FHIT: variants seen among roughly 807,000 people sequenced by gnomAD.
FHIT encodes the protein fragile histidine triad diadenosine triphosphatase, also known as bis(5'-adenosyl)-triphosphatase.
FHIT carries 19 observed loss-of-function variants against 17.9 expected under a neutral mutation model. The observed-to-expected ratio is 1.06, with a 90% CI of 0.74 to 1.56. The LOEUF is 1.56. Ranked by LOEUF, FHIT falls within the 40% of genes most tolerant of loss-of-function variation. The probability of loss-of-function intolerance (pLI) is 0.00; values close to 1 mark genes in which losing one functional copy is unlikely to be tolerated. For synonymous variants in FHIT, 81 were observed against 69.7 expected (o/e 1.16, Z -0.81); for missense variants, 248 against 189.2 (o/e 1.31, Z -1.82).
intron 5 of FHIT, among the ~76,000 whole-genome samples, chr3:60,188,236 T>G (rs1702250190): frequency 6.7e-6 from 1 of 149,484 alleles, no homozygotes; most frequent in Admixed American, 6.7e-5. Context: ...TTACCATTAT[T>G]ACATTAAAGG....
intron 5 of FHIT, among the ~76,000 whole-genome samples, chr3:60,164,455 C>T (rs1052920224): frequency 6.6e-5 from 10 of 152,184 alleles, no homozygotes; most frequent in African/African-American, 2.2e-4. Flanking sequence ...CTGCACCATC[C>T]CACGTTTCCG....
chr3:60,738,367 A>G (rs1553713118), intron 4 of FHIT, among the ~76,000 whole-genome samples: 1 of 152,188 alleles, frequency 6.6e-6, no homozygotes, highest in Non-Finnish European at 1.5e-5. Context: ...GGAGGCCCCA[A>G]AATGGTCCCT....
rs142698125 is a variant in FHIT at position 60,754,254 on chromosome 3, TG to T, written c.-18+67664del. On this transcript the variant is annotated intron_variant, in intron 4 of 9. Transcript: ENST00000492590. ...GTGAAAGGCCAGTTAACCTGAAAAA[TG>T]AAAACCAGCTCTTAAATGTAAAGAT... is the stretch of plus-strand genomic sequence containing the variant. Among the ~76,000 whole-genome samples, 255 of 152,232 alleles carry T rather than the reference TG, an allele frequency of 1.7e-3. 1 individual carries two copies. The highest frequency in any genetic ancestry group is 6.0e-3 in the African/African-American group (248 of 41,544).
chr3:59,967,418 G>C (rs1298273368), intron 7 of FHIT, among the ~76,000 whole-genome samples: 1 of 152,132 alleles, frequency 6.6e-6, no homozygotes, highest in Non-Finnish European at 1.5e-5. Context: ...CACCAGCACT[G>C]CTATGAACAA....
rs962159595 is a variant in FHIT, at chr3:60,082,039, G to A, written c.104-67887C>T. 3.2e-4 allele frequency among the ~76,000 whole-genome samples: 49 copies of A among 151,994 alleles called. 1 individual carries two copies. The highest frequency in any genetic ancestry group is 1.3e-4 in the Non-Finnish European group (9 of 67,994). ...TTGTTCCATAGGTATATTGCATGAT[G>A]CTCATGTTTGGGGTATGATTAATAC... On this transcript the variant is annotated intron_variant, in intron 5 of 9. Coordinates refer to ENST00000492590, the MANE Select transcript of FHIT (RefSeq NM_002012.4).
At chr3:60,621,920 G>A (rs1418251821) in intron 4 of FHIT, among the ~76,000 whole-genome samples, 3 of 151,872 alleles carry the variant, frequency 2.0e-5, no homozygotes, top group African/African-American at 7.3e-5. Context: ...AAATTCTAGA[G>A]AGAATCAACC....
chr3:60,387,254 G>A (rs1701049957), intron 5 of FHIT, among the ~76,000 whole-genome samples: 1 of 152,032 alleles, frequency 6.6e-6, no homozygotes, highest in African/African-American at 2.4e-5. Context: ...GCCTCCCAAA[G>A]TGCTGGGATT....
intron 5 of FHIT, among the ~76,000 whole-genome samples, chr3:60,170,732 C>T (rs548589465): frequency 6.6e-6 from 1 of 152,130 alleles, no homozygotes; most frequent in Non-Finnish European, 1.5e-5. Context: ...ATAACATTCT[C>T]CCATATCTAT....
At chr3:60,450,897 A>G (rs1191117710) in intron 5 of FHIT, among the ~76,000 whole-genome samples, 1 of 152,188 alleles carries the variant, frequency 6.6e-6, no homozygotes, top group Non-Finnish European at 1.5e-5. Context: ...CATATAGAGA[A>G]TAAATAGTAG....
chr3:60,226,161 C>A (rs1051750139), intron 5 of FHIT, among the ~76,000 whole-genome samples: 1 of 151,960 alleles, frequency 6.6e-6, no homozygotes, highest in African/African-American at 2.4e-5. Context: ...TACAACAGAG[C>A]TGTCTTCTGT....
At chr3:60,086,476 TCCGAAGTCTCATCTGTGAC>T (rs1015665722) in intron 5 of FHIT, among the ~76,000 whole-genome samples, 3 of 152,152 alleles carry the variant, frequency 2.0e-5, no homozygotes, top group Non-Finnish European at 4.4e-5. Flanking sequence ...AAGTTTAAAG[TCCGAAGTCTCATCTGTGAC>T]CCAAGGTAAT....
intron 4 of FHIT, among the ~76,000 whole-genome samples, chr3:60,771,709 C>G (rs1700048097): frequency 6.6e-6 from 1 of 152,142 alleles, no homozygotes; most frequent in Admixed American, 6.5e-5. Flanking sequence ...GATTTAGATC[C>G]AGTGTGTCAA....
chr3:59,949,196 T>A (rs897121719), intron 7 of FHIT, among the ~76,000 whole-genome samples: 2 of 152,254 alleles, frequency 1.3e-5, no homozygotes, highest in African/African-American at 4.8e-5. Context: ...CATCAGTAAC[T>A]TTTTAAGTTT....
Position 60,124,019 on chromosome 3 carries a change from G to GAA in FHIT, c.104-109868_104-109867insTT, listed in dbSNP as rs1559653786. Among the ~76,000 whole-genome samples the GAA allele has an allele frequency of 5.3e-5, 4 of 74,934 alleles. 1 individual carries two copies. In the East Asian group the frequency reaches 1.0e-3, roughly 19 times the overall value. The allele number at this position is 74,934 out of a possible 152,430, so 49.2% of individuals were successfully genotyped here. On this transcript the variant is annotated intron_variant, in intron 5 of 9. Transcript: ENST00000492590. ...ATATATATATATATATAGAGAGAGAGAGAGAGAGAGAGAGAGAGAGAGAGA... is the reference window on the plus strand; with the variant it reads ...ATATATATATATATATAGAGAGAGAGAAAGAGAGAGAGAGAGAGAGAGAGAGA...
intron 8 of FHIT, among the ~76,000 whole-genome samples, chr3:59,778,646 G>T (rs538039914): frequency 5.6e-4 from 86 of 152,252 alleles, no homozygotes; most frequent in African/African-American, 2.0e-3. Context: ...ACAAGCAGCA[G>T]GTCCAACTTG....
At chr3:60,156,420 C>G (rs540491130) in intron 5 of FHIT, among the ~76,000 whole-genome samples, 11 of 151,718 alleles carry the variant, frequency 7.3e-5, no homozygotes, top group Admixed American at 5.3e-4. Flanking sequence ...GTTATAGTAG[C>G]TTTGCATCGG....
chr3:60,620,604 G>A (rs938515858), intron 4 of FHIT, among the ~76,000 whole-genome samples: 1 of 151,720 alleles, frequency 6.6e-6, no homozygotes, highest in Non-Finnish European at 1.5e-5. Context: ...AAAAAACTAT[G>A]AAGAGAATAC....
chr3:60,160,793 TGA>T (rs1467008691), intron 5 of FHIT, among the ~76,000 whole-genome samples: 4 of 151,008 alleles, frequency 2.6e-5, no homozygotes, highest in African/African-American at 9.7e-5. Flanking sequence ...CAGAGCTGAA[TGA>T]GAGTGAGAAT....
chr3:60,317,680 T>C (rs983957140), intron 5 of FHIT, among the ~76,000 whole-genome samples: 1 of 148,824 alleles, frequency 6.7e-6, no homozygotes, highest in African/African-American at 2.5e-5. Flanking sequence ...CAAATCAGTG[T>C]GCCAACATGA....
Sources: gnomAD v4.1 joint callset for allele counts (sites outside exome capture counted in the v4.1 genomes callset) on GRCh38, gnomAD v4.1.1 for gene constraint, MANE v1.5 for transcripts, NCBI Gene and HGNC (gene_info 2026-07-23, HGNC 2026-07-21) for gene names.